Variants in UIMC1 observed in about 807,000 individuals in gnomAD.
The protein encoded by UIMC1 is BRCA1-A complex subunit RAP80.
UIMC1 carries 42 observed loss-of-function variants against 84.9 expected under a neutral mutation model. The ratio of observed to expected loss-of-function variants is 0.49; its 90% CI spans 0.39 to 0.64. The LOEUF (loss-of-function observed/expected upper bound fraction) is 0.64. UIMC1 is among the 30% of genes least tolerant of loss of function. The probability of loss-of-function intolerance (pLI) is 0.00; values close to 1 mark genes in which losing one functional copy is unlikely to be tolerated. For synonymous variants in UIMC1, 281 were observed against 293.0 expected, an observed-to-expected ratio of 0.96 and a Z score of 0.42; for missense variants, 825 against 847.6, an observed-to-expected ratio of 0.97 and a Z score of 0.33.
intron 10 of UIMC1, among the ~76,000 whole-genome samples, chr5:176,933,069 G>A (rs900132052): frequency 3.9e-5 from 6 of 152,118 alleles, no homozygotes; most frequent in Non-Finnish European, 8.8e-5. Flanking sequence ...CTTTGGCAGT[G>A]TTCACACAAG....
At chr5:177,007,116 G>A (rs1029249897), upstream of UIMC1, among the ~76,000 whole-genome samples, 1 of 151,968 alleles carries the variant, frequency 6.6e-6, no homozygotes, top group Non-Finnish European at 1.5e-5. Context: ...AGAGGCGGGC[G>A]GATTACCTGA....
chr5:176,989,989 G>A (rs1458036484), intron 1 of UIMC1, among the ~76,000 whole-genome samples: 13 of 151,988 alleles, frequency 8.6e-5, no homozygotes, highest in Admixed American at 8.5e-4. Flanking sequence ...GACCATCCTG[G>A]CTAACATGGT....
intron 6 of UIMC1, among the ~76,000 whole-genome samples, chr5:176,964,976 A>G (rs1768056176): frequency 6.6e-6 from 1 of 152,346 alleles, no homozygotes; most frequent in Non-Finnish European, 1.5e-5. Flanking sequence ...TTTGAGAGCT[A>G]TAGAATCAGT....
intron 2 of UIMC1, among the ~76,000 whole-genome samples, chr5:176,978,805 T>C (rs1770553211): frequency 6.6e-6 from 1 of 152,306 alleles, no homozygotes; most frequent in South Asian, 2.1e-4. Context: ...TGATTAAACA[T>C]AATTCCTAAA....
At chr5:176,915,700 C>G (rs1436571937) in intron 10 of UIMC1, among the ~76,000 whole-genome samples, 3 of 150,776 alleles carry the variant, frequency 2.0e-5, no homozygotes, top group Non-Finnish European at 4.4e-5. Context: ...GTGATCCACC[C>G]ACCGCAGCCT....
intron 10 of UIMC1, among the ~76,000 whole-genome samples, chr5:176,924,956 G>A (rs532539563): frequency 1.5e-4 from 22 of 150,630 alleles, no homozygotes; most frequent in South Asian, 4.2e-4. Flanking sequence ...GCTTGAACCT[G>A]AGAGGCAGAG....
At chr5:176,983,578 C>T (rs538005493) in intron 1 of UIMC1, among the ~76,000 whole-genome samples, 88 of 152,256 alleles carry the variant, frequency 5.8e-4, no homozygotes, top group African/African-American at 2.0e-3. Flanking sequence ...GATCTCGGCT[C>T]GCTACAACCT....
chr5:176,980,890 G>A (rs1227971196), intron 2 of UIMC1, among the ~76,000 whole-genome samples: 1 of 151,898 alleles, frequency 6.6e-6, no homozygotes, highest in African/African-American at 2.4e-5. Context: ...ACAGGCACAC[G>A]CCACCATGCC....
intron 1 of UIMC1, among the ~76,000 whole-genome samples, chr5:177,019,564 T>A (rs1581743139): frequency 6.8e-6 from 1 of 148,036 alleles, no homozygotes; most frequent in Admixed American, 6.7e-5. Context: ...ATCACTTGAG[T>A]GTGGGAGTTC....
intron 6 of UIMC1, among the ~76,000 whole-genome samples, chr5:176,960,958 A>AGT (rs1280177709): frequency 2.3e-5 from 1 of 44,158 alleles, no homozygotes; most frequent in East Asian, 5.5e-4. Context: ...GCTGGAGTGC[A>AGT]GTGGCGTGAT....
rs373269765 is a variant in UIMC1, at chr5:176,905,534, T to A, written c.1950-42A>T. On this transcript the variant is annotated intron_variant, in intron 14 of 14. Transcript: ENST00000511320. ...AAATTCAGATTCAATATACACCTAC[T>A]AAGCATCAAGGACATGCTATGCACT... The A allele has an allele frequency of 9.5e-6, 15 of 1,579,874 alleles. No individual in the cohort carries two copies. In the African/African-American group the frequency reaches 1.8e-4, roughly 18 times the overall value.
intron 10 of UIMC1, among the ~76,000 whole-genome samples, chr5:176,937,529 C>T (rs1313363128): frequency 6.6e-6 from 1 of 152,054 alleles, no homozygotes; most frequent in Non-Finnish European, 1.5e-5. Flanking sequence ...AAAGCATTCC[C>T]TCTAATTTTT....
chr5:176,982,913 G>A (rs558730603), intron 1 of UIMC1, among the ~76,000 whole-genome samples: 1 of 152,118 alleles, frequency 6.6e-6, no homozygotes, highest in Non-Finnish European at 1.5e-5. Context: ...TGGCCAGGCT[G>A]GTCTCAAACT....
rs769737801 is a variant in UIMC1, at chr5:176,907,031, C to T, written c.1912+83G>A. 1,507 of 1,426,996 alleles carry T rather than the reference C, an allele frequency of 1.1e-3. 2 individuals carry two copies. Among genetic ancestry groups the T allele is most frequent in the Non-Finnish European group, 1.3e-3 (1,347 of 1,024,946 alleles). The allele number at this position is 1,426,996 out of a possible 1,614,324, so 88.4% of individuals were successfully genotyped here. A position where few individuals can be genotyped will look rare whatever the true frequency, so the allele number is the denominator to read the frequency against. ...CACGTGTGTACCCAGATAACCACAG[C>T]AAATAGTCAGGGGGCTGGCAATGGC... On this transcript the variant is annotated intron_variant, in intron 13 of 14. Transcript: ENST00000511320.
chr5:176,977,503 T>C (rs1770286130), intron 2 of UIMC1, among the ~76,000 whole-genome samples: 2 of 144,788 alleles, frequency 1.4e-5, no homozygotes, highest in African/African-American at 5.1e-5. Context: ...TACATACTAT[T>C]AATGGAGATT....
chr5:176,997,628 T>A lies in UIMC1; in HGVS notation c.-9+9022A>T, dbSNP rs1371862191. 2.9e-5 allele frequency among the ~76,000 whole-genome samples: 4 copies of A among 138,936 alleles called. No homozygotes were observed. The East Asian group carries it at 8.3e-4, about 29-fold the overall frequency. 91.1% of individuals were successfully genotyped at this position (138,936 alleles called of 152,430 possible). On this transcript the variant is annotated intron_variant, in intron 1 of 14. Coordinates refer to ENST00000511320, the MANE Select transcript of UIMC1 (RefSeq NM_001199298.2). Reference sequence around the variant, plus strand: ...TGAACCCAGGAGACGGAGCTTGCAGTGAGCAGAGATTGCACCACTGCACTC... The same window carrying A: ...TGAACCCAGGAGACGGAGCTTGCAGAGAGCAGAGATTGCACCACTGCACTC...
chr5:176,992,672 G>A (rs1353745996), intron 1 of UIMC1, among the ~76,000 whole-genome samples: 2 of 151,932 alleles, frequency 1.3e-5, no homozygotes, highest in Non-Finnish European at 2.9e-5. Flanking sequence ...TGGGTATGGT[G>A]GCACACACCT....
intron 9 of UIMC1, among the ~76,000 whole-genome samples, chr5:176,950,301 T>A (rs1316559861): frequency 6.6e-6 from 1 of 150,810 alleles, no homozygotes; most frequent in Non-Finnish European, 1.5e-5. Flanking sequence ...GGTTTCACCA[T>A]GTTGGCCAGG....
chr5:176,967,698 TTC>T (rs1561843126), intron 6 of UIMC1, among the ~76,000 whole-genome samples: 1 of 151,778 alleles, frequency 6.6e-6, no homozygotes, highest in Non-Finnish European at 1.5e-5. Flanking sequence ...AGTACAGGAG[TTC>T]GAGACCAGCC....
Sources: gnomAD v4.1 joint callset for allele counts (sites outside exome capture counted in the v4.1 genomes callset) on GRCh38, gnomAD v4.1.1 for gene constraint, MANE v1.5 for transcripts, NCBI Gene and HGNC (gene_info 2026-07-23, HGNC 2026-07-21) for gene names.